MYH16: variants seen among roughly 807,000 people sequenced by gnomAD.
MYH16 encodes the protein myosin heavy chain 16.
At chr7:99,274,462 G>A (rs1196912602) in intron 20 of MYH16, among the ~76,000 whole-genome samples, 1 of 152,214 alleles carries the variant, frequency 6.6e-6, no homozygotes, top group Non-Finnish European at 1.5e-5. Flanking sequence ...CCATGGGAAA[G>A]AACTAGCTAA....
At chr7:99,279,358 CAAAAAAAAAAAAAA>C (rs35683727) in intron 21 of MYH16, among the ~76,000 whole-genome samples, 138 bp from the exon 4 acceptor site, 1 of 45,876 alleles carries the variant, frequency 2.2e-5, no homozygotes, top group African/African-American at 7.9e-5. Flanking sequence ...AACCCTGACT[CAAAAAAAAAAAAAA>C]AAAAAAAAAG....
intron 26 of MYH16, among the ~76,000 whole-genome samples, 195 bp from the exon 9 acceptor site, chr7:99,285,187 C>G (rs777090233): frequency 6.6e-6 from 1 of 152,238 alleles, no homozygotes; most frequent in Non-Finnish European, 1.5e-5. Context: ...TGGCTCCTGG[C>G]TGGGTGTCAC....
Position 99,296,693 on chromosome 7 carries a change from T to C in MYH16, n.4283-8T>C, listed in dbSNP as rs938007936. The C allele has an allele frequency of 1.5e-5, 7 of 455,112 alleles. No individual in the cohort carries two copies. Among genetic ancestry groups the C allele is most frequent in the Non-Finnish European group, 3.1e-5 (7 of 226,866 alleles). The allele number at this position is 455,112 out of a possible 1,614,324, so 28.2% of individuals were successfully genotyped here. Reference sequence around the variant, plus strand: ...GGACCCCTAGAGGCCATTTCCAACTTTCCCTAGGCCAATGCTGCAGCTGCT... The same window carrying C: ...GGACCCCTAGAGGCCATTTCCAACTCTCCCTAGGCCAATGCTGCAGCTGCT... On this transcript the variant is annotated splice_region_variant and splice_polypyrimidine_tract_variant and intron_variant and non_coding_transcript_variant, in intron 33 of 41. Transcript: ENST00000439784.
chr7:99,266,237 G>GC (rs1267524417), intron 17 of MYH16, among the ~76,000 whole-genome samples: 3 of 152,106 alleles, frequency 2.0e-5, no homozygotes, highest in African/African-American at 7.2e-5. Context: ...TGCACTAACT[G>GC]CCCCCATAAC....
At chr7:99,286,145 G>A (rs375572738) in intron 27 of MYH16, among the ~76,000 whole-genome samples, 5 of 152,324 alleles carry the variant, frequency 3.3e-5, no homozygotes, top group African/African-American at 1.2e-4. Context: ...TCCCATGGCC[G>A]GGAAGAGTGG....
At chr7:99,263,644 C>A (rs944399652) in intron 14 of MYH16, among the ~76,000 whole-genome samples, 1 of 152,116 alleles carries the variant, frequency 6.6e-6, no homozygotes, top group African/African-American at 2.4e-5. Context: ...GATGATACTG[C>A]AAAAGAGGCA....
intron 1 of MYH16, among the ~76,000 whole-genome samples, chr7:99,241,919 G>A (rs535779596): frequency 4.4e-4 from 66 of 151,166 alleles, no homozygotes; most frequent in Non-Finnish European, 7.8e-4. Flanking sequence ...GGAGTGCAGC[G>A]GCATGATCTC....
chr7:99,303,726 CA>C (rs1792640602), intron 39 of MYH16, among the ~76,000 whole-genome samples: 1 of 152,186 alleles, frequency 6.6e-6, no homozygotes. Flanking sequence ...CACCTGAACC[CA>C]GGAGTTTGAG....
At chr7:99,294,521 A>AAAAG (rs1792446020) in intron 33 of MYH16, among the ~76,000 whole-genome samples, 1 of 118,704 alleles carries the variant, frequency 8.4e-6, no homozygotes, top group African/African-American at 4.0e-5. Flanking sequence ...AAAAAAAAAA[A>AAAAG]AAAGAAAAAG....
chr7:99,245,997 T>G (rs1170746779), intron 2 of MYH16, among the ~76,000 whole-genome samples: 1 of 150,692 alleles, frequency 6.6e-6, no homozygotes, highest in Non-Finnish European at 1.5e-5. Flanking sequence ...AGGACAGGAG[T>G]TCATGACAAG....
chr7:99,302,309 A>AT lies in MYH16; in HGVS notation n.5137+505_5137+506insT, dbSNP rs1267117853. ...ACAGAGTGACCATCTCAAAAAAAAAAAAATATATACACACACACACACACA... is the reference window on the plus strand; with the variant it reads ...ACAGAGTGACCATCTCAAAAAAAAAATAAATATATACACACACACACACACA... On this transcript the variant is annotated intron_variant and non_coding_transcript_variant, in intron 38 of 41. Coordinates refer to ENST00000439784, the Ensembl canonical transcript of MYH16. Among the ~76,000 whole-genome samples, 321 of 114,438 alleles carry AT rather than the reference A, an allele frequency of 2.8e-3. 8 individuals carry two copies. Among genetic ancestry groups the AT allele is most frequent in the African/African-American group, 0.015 (289 of 19,556 alleles). 75.1% of individuals were successfully genotyped at this position (114,438 alleles called of 152,430 possible). A position where few individuals can be genotyped will look rare whatever the true frequency, so the allele number is the denominator to read the frequency against.
At chr7:99,243,787 A>G (rs1000720763) in intron 2 of MYH16, among the ~76,000 whole-genome samples, 12 of 150,344 alleles carry the variant, frequency 8.0e-5, no homozygotes, top group Non-Finnish European at 1.8e-4. Context: ...CCATCTATCC[A>G]TTCATTCATC....
chr7:99,262,767 C>T (rs1339445226), intron 13 of MYH16, among the ~76,000 whole-genome samples: 1 of 152,162 alleles, frequency 6.6e-6, no homozygotes, highest in Non-Finnish European at 1.5e-5. Flanking sequence ...GCCCCCAGTG[C>T]TGGATGGATG....
chr7:99,303,975 T>G (rs890121908), intron 39 of MYH16, among the ~76,000 whole-genome samples: 7 of 152,172 alleles, frequency 4.6e-5, no homozygotes, highest in African/African-American at 1.7e-4. Context: ...CCAGTATCCC[T>G]TCGGGTGTTC....
At chr7:99,245,449 C>T (rs1791716442) in intron 2 of MYH16, among the ~76,000 whole-genome samples, 1 of 152,112 alleles carries the variant, frequency 6.6e-6, no homozygotes, top group African/African-American at 2.4e-5. Flanking sequence ...ATTTAAGATT[C>T]ATAGATTTGG....
chr7:99,268,631 G>A (rs1028836428), intron 18 of MYH16, among the ~76,000 whole-genome samples: 6 of 152,242 alleles, frequency 3.9e-5, no homozygotes, highest in African/African-American at 1.4e-4. Flanking sequence ...GGCAGCAGGA[G>A]GAGAACAAAG....
At chr7:99,269,880 T>G (rs1792027280) in intron 18 of MYH16, among the ~76,000 whole-genome samples, 1 of 146,370 alleles carries the variant, frequency 6.8e-6, no homozygotes, top group Admixed American at 6.8e-5. Context: ...TTTTTTTTTT[T>G]TTTTTTTTTT....
intron 13 of MYH16, among the ~76,000 whole-genome samples, chr7:99,262,966 C>A (rs900122375): frequency 1.1e-4 from 17 of 152,216 alleles, no homozygotes; most frequent in Non-Finnish European, 1.9e-4. Flanking sequence ...CAGAAGAAGA[C>A]CCAAGGGTCA....
At chr7:99,310,288 G>A (rs938435003), downstream of MYH16, among the ~76,000 whole-genome samples, 4 of 152,174 alleles carry the variant, frequency 2.6e-5, no homozygotes, top group Non-Finnish European at 1.5e-5. Context: ...GGGTGAGGCT[G>A]TGAATGGCTC....
Sources: gnomAD v4.1 joint callset for allele counts (sites outside exome capture counted in the v4.1 genomes callset) on GRCh38, gnomAD v4.1.1 for gene constraint, MANE v1.5 for transcripts, NCBI Gene and HGNC (gene_info 2026-07-23, HGNC 2026-07-21) for gene names.